The following LAMA4 variants were observed in gnomAD, a reference collection of about 807,000 sequenced individuals.
The protein encoded by LAMA4 is laminin subunit alpha-4.
LAMA4 carries 127 observed loss-of-function variants against 207.1 expected under a neutral mutation model. That is an observed-to-expected ratio of 0.61 (90% confidence interval 0.53 to 0.71). The LOEUF (loss-of-function observed/expected upper bound fraction) is 0.71, where lower values mean the gene tolerates loss of function less well. LAMA4 is among the 30% of genes least tolerant of loss of function. The probability of loss-of-function intolerance (pLI) is 0.00; values close to 1 mark genes in which losing one functional copy is unlikely to be tolerated. For synonymous variants in LAMA4, 761 were observed against 816.0 expected (o/e 0.93, Z 1.15); for missense variants, 2,093 against 2,246.5 (o/e 0.93, Z 1.38).
At chr6:112,187,237 A>G in intron 8 of LAMA4, 1 of 673,212 alleles carries the variant, frequency 1.5e-6, no homozygotes, top group Non-Finnish European at 2.7e-6. Context: ...TTTTGTAGAC[A>G]GTAGTTCTTG....
At chr6:112,232,648 A>G (rs1218343275) in intron 2 of LAMA4, among the ~76,000 whole-genome samples, 1 of 152,198 alleles carries the variant, frequency 6.6e-6, no homozygotes, top group African/African-American at 2.4e-5. Flanking sequence ...TGTGATCGAG[A>G]TAGCTATTCT....
At chr6:112,133,609 T>C (rs1238447133) in intron 26 of LAMA4, 122 bp from the exon 27 acceptor site, 15 of 1,232,706 alleles carry the variant, frequency 1.2e-5, no homozygotes, top group Non-Finnish European at 1.8e-5. Context: ...ATTCATATTC[T>C]CATGCTTTCT....
chr6:112,165,410 G>T, intron 12 of LAMA4, 134 bp from the exon 13 acceptor site: 1 of 726,836 alleles, frequency 1.4e-6, no homozygotes. Context: ...CATCCTTGCT[G>T]TGTGCCTTTG....
intron 38 of LAMA4, among the ~76,000 whole-genome samples, chr6:112,112,042 T>C (rs1182438126): frequency 2.0e-5 from 3 of 152,210 alleles, no homozygotes; most frequent in East Asian, 3.8e-4. Flanking sequence ...CAATGCTTAA[T>C]AGACAATCCA....
intron 2 of LAMA4, chr6:112,217,665 A>G (rs1326105949): frequency 6.6e-6 from 1 of 152,242 alleles, no homozygotes; most frequent in Non-Finnish European, 1.5e-5. Context: ...AAATTTAATA[A>G]ACCCCATTTG....
intron 31 of LAMA4, 104 bp downstream of exon 31, chr6:112,128,818 C>T (rs112627375): frequency 2.7e-4 from 249 of 925,548 alleles, no homozygotes; most frequent in African/African-American, 2.7e-3. Context: ...TTCCTATGTA[C>T]GTAGTTGCAA....
intron 19 of LAMA4, 101 bp from the exon 20 acceptor site, chr6:112,142,393 C>A (rs1450400683): frequency 9.9e-7 from 1 of 1,012,490 alleles, no homozygotes; most frequent in East Asian, 2.4e-5. Context: ...AAACTCTCTT[C>A]ACCTCCATAC....
At chr6:112,202,895 A>G (rs1554353091) in intron 4 of LAMA4, among the ~76,000 whole-genome samples, 1 of 152,186 alleles carries the variant, frequency 6.6e-6, no homozygotes, top group African/African-American at 2.4e-5. Context: ...TGCTAGGGGC[A>G]TCTGGAGTCA....
At chr6:112,252,907 T>G (rs1787561053) in intron 2 of LAMA4, among the ~76,000 whole-genome samples, 1 of 152,218 alleles carries the variant, frequency 6.6e-6, no homozygotes, top group Admixed American at 6.5e-5. Flanking sequence ...CTCTCTTTTT[T>G]GGGGCAATGT....
Position 112,212,267 on chromosome 6 carries a change from A to G in LAMA4, c.297+4101T>C, listed in dbSNP as rs7775033. Reference sequence around the variant, plus strand: ...TTAACAGAGTCTTGCTCTGTTGCCCAGGCTAGAATGCGGTGGTGTGATCTT... The same window carrying G: ...TTAACAGAGTCTTGCTCTGTTGCCCGGGCTAGAATGCGGTGGTGTGATCTT... On this transcript the variant is annotated intron_variant, in intron 3 of 38. Transcript: ENST00000230538. 6.6e-3 allele frequency among the ~76,000 whole-genome samples: 984 copies of G among 148,884 alleles called. 12 individuals carry two copies. Among genetic ancestry groups the G allele is most frequent in the African/African-American group, 0.023 (907 of 40,170 alleles).
chr6:112,127,354 T>C (rs1244029806), intron 31 of LAMA4, among the ~76,000 whole-genome samples: 5 of 151,852 alleles, frequency 3.3e-5, no homozygotes, highest in African/African-American at 9.7e-5. Context: ...ATGTAGGTCA[T>C]TGAACAGGTG....
rs1777538011 is a variant in LAMA4, at chr6:112,108,562, G to A, written c.*875C>T. Among the ~76,000 whole-genome samples the A allele has an allele frequency of 6.6e-6, 1 of 152,128 alleles. No individual in the cohort carries two copies. The highest frequency in any genetic ancestry group is 2.4e-5 in the African/African-American group (1 of 41,418). Reference sequence around the variant, plus strand: ...AGCCTCCCAAGTAGCTGGGACTACAGGTGTATGCCCATGTACAAATTTTTT... The same window carrying A: ...AGCCTCCCAAGTAGCTGGGACTACAAGTGTATGCCCATGTACAAATTTTTT... On this transcript the variant is annotated 3_prime_UTR_variant, in exon 39 of 39. Coordinates refer to ENST00000230538, the MANE Select transcript of LAMA4 (RefSeq NM_001105206.3).
At position 112,132,855 on chromosome 6, in the gene LAMA4, G is replaced by A; in HGVS notation, c.3732C>T (p.Phe1244=). ...SRRAYFNGQS[F]IASIQKISFF... ...AAGATATTTTCTGAATTGAAGCAAT[G>A]AAGCTCTGTCCATTGAAATATGCTC... The change falls in exon 28 of 39, where the codon TTC becomes TTT. Residue 1244 remains phenylalanine (F), a synonymous_variant. Coordinates refer to ENST00000230538, the MANE Select transcript of LAMA4 (RefSeq NM_001105206.3). The A allele has an allele frequency of 1.2e-6, 2 of 1,613,152 alleles. No homozygotes were observed. The highest frequency in any genetic ancestry group is 1.7e-4 in the Middle Eastern group (1 of 6,052).
rs782307741 is a variant in LAMA4 at position 112,130,988 on chromosome 6, A to C, written c.3948T>G (p.Ile1316Met). 3.7e-6 allele frequency: 6 copies of C among 1,613,076 alleles called. No individual in the cohort carries two copies. The highest frequency in any genetic ancestry group is 8.5e-7 in the Non-Finnish European group (1 of 1,179,282). ...QYNDGLSHFV[I>M]SSVSPTRYEL... The stretch of plus-strand genomic sequence containing the variant: ...TATACCTTGTGGGTGAGACAGAGCT[A>C]ATGACGAAGTGGGACAGCCCATCAT... The change falls in exon 29 of 39, where the codon ATT becomes ATG. Residue 1316 changes from isoleucine (I) to methionine (M), a missense_variant. Ile to Met is a conservative substitution (Grantham distance 10). Transcript: ENST00000230538.
At chr6:112,160,346 T>G (rs577608083) in intron 13 of LAMA4, among the ~76,000 whole-genome samples, 1 of 152,240 alleles carries the variant, frequency 6.6e-6, no homozygotes, top group South Asian at 2.1e-4. Context: ...TAAAGCATGC[T>G]GCCCCATTGT....
intron 2 of LAMA4, among the ~76,000 whole-genome samples, chr6:112,230,289 A>T (rs1382406725): frequency 6.6e-6 from 1 of 152,210 alleles, no homozygotes; most frequent in Non-Finnish European, 1.5e-5. Flanking sequence ...TTGATCTGCC[A>T]TGGGCATGAC....
At chr6:112,245,640 AGT>A (rs1584007648) in intron 2 of LAMA4, among the ~76,000 whole-genome samples, 2 of 140,596 alleles carry the variant, frequency 1.4e-5, no homozygotes, top group East Asian at 4.2e-4. Context: ...TTAGCTGTAG[AGT>A]ACAGCCTGGA....
intron 2 of LAMA4, among the ~76,000 whole-genome samples, chr6:112,245,790 C>T (rs1423659694): frequency 2.0e-5 from 3 of 152,054 alleles, no homozygotes; most frequent in Admixed American, 6.5e-5. Context: ...TAGCCTCCAC[C>T]AAAACACAAC....
chr6:112,124,963 G>C (rs1554327141), intron 31 of LAMA4, among the ~76,000 whole-genome samples: 1 of 152,050 alleles, frequency 6.6e-6, no homozygotes, highest in Non-Finnish European at 1.5e-5. Flanking sequence ...CACCATGTTG[G>C]CCAGGCTGGT....
Sources: allele counts gnomAD v4.1 joint callset (sites outside exome capture counted in the v4.1 genomes callset), GRCh38; gene constraint gnomAD v4.1.1; transcripts MANE v1.5; gene names NCBI Gene and HGNC (gene_info 2026-07-23, HGNC 2026-07-21).